The following RSRC1 variants were observed in gnomAD, a reference collection of about 807,000 sequenced individuals.
RSRC1 encodes the protein serine/Arginine-related protein 53.
RSRC1 carries 39 observed loss-of-function variants against 49.1 expected under a neutral mutation model. The observed-to-expected ratio is 0.79, with a 90% CI of 0.61 to 1.04. The LOEUF (loss-of-function observed/expected upper bound fraction) is 1.04, where lower values mean the gene tolerates loss of function less well. Among genes scored for constraint, RSRC1 ranks in the 50% least tolerant of loss-of-function variants. RSRC1 has a pLI of 0.00. For missense variants in RSRC1, 388 were observed against 402.4 expected (o/e 0.96, Z 0.31); for synonymous variants, 143 against 130.8 (o/e 1.09, Z -0.63).
chr3:158,516,383 G>C (rs550608260), intron 7 of RSRC1, among the ~76,000 whole-genome samples: 2,956 of 152,016 alleles, frequency 0.019, 33 homozygotes, highest in Non-Finnish European at 0.031. Flanking sequence ...GCCCCTGCTG[G>C]GGGGTGCCTC....
chr3:158,528,475 A>G lies in RSRC1; in HGVS notation c.653-8617A>G, dbSNP rs73154325. On this transcript the variant is annotated intron_variant, in intron 7 of 9. Coordinates refer to ENST00000611884, the MANE Select transcript of RSRC1 (RefSeq NM_001271838.2). ...AAGAAAAAAGAGCTGCGTATCTCTG[A>G]TATTAGCCACAGTGACAAATGTGGT... Among the ~76,000 whole-genome samples the G allele has an allele frequency of 2.9e-3, 440 of 151,950 alleles. 1 individual carries two copies. The highest frequency in any genetic ancestry group is 4.6e-3 in the Non-Finnish European group (309 of 67,910).
chr3:158,258,645 CTT>C (rs2108029621), intron 4 of RSRC1, among the ~76,000 whole-genome samples: 1 of 152,218 alleles, frequency 6.6e-6, no homozygotes, highest in African/African-American at 2.4e-5. Context: ...ACCTCTGTCT[CTT>C]TCTCTACCTC....
chr3:158,541,104 A>G (rs1211827479), intron 8 of RSRC1, among the ~76,000 whole-genome samples: 1 of 152,078 alleles, frequency 6.6e-6, no homozygotes, highest in Non-Finnish European at 1.5e-5. Flanking sequence ...TTTGCTCACT[A>G]TACACCAGCC....
At chr3:158,424,548 G>A (rs1316051586) in intron 6 of RSRC1, among the ~76,000 whole-genome samples, 24 of 149,470 alleles carry the variant, frequency 1.6e-4, no homozygotes, top group Admixed American at 2.0e-4. Flanking sequence ...CTCTTTTTTG[G>A]TTGTGTCTCT....
intron 4 of RSRC1, among the ~76,000 whole-genome samples, chr3:158,277,950 C>G (rs1173573345): frequency 5.3e-5 from 8 of 152,078 alleles, no homozygotes; most frequent in Non-Finnish European, 1.0e-4. Flanking sequence ...CCTGTGCCCA[C>G]CTAAGGAGCA....
intron 3 of RSRC1, among the ~76,000 whole-genome samples, chr3:158,173,177 A>G (rs1035441888): frequency 6.6e-6 from 1 of 151,980 alleles, no homozygotes; most frequent in Non-Finnish European, 1.5e-5. Context: ...TTATAATTAT[A>G]TAAATATACT....
At chr3:158,217,292 A>G (rs767705327) in intron 4 of RSRC1, among the ~76,000 whole-genome samples, 2 of 151,722 alleles carry the variant, frequency 1.3e-5, no homozygotes, top group Non-Finnish European at 2.9e-5. Flanking sequence ...TAGAAACAAC[A>G]TTAGACTGGT....
At chr3:158,345,788 TAC>T (rs1553790095) in intron 5 of RSRC1, among the ~76,000 whole-genome samples, 2 of 148,784 alleles carry the variant, frequency 1.3e-5, no homozygotes, top group East Asian at 3.9e-4. Context: ...TATATATATA[TAC>T]ACATATATAT....
At chr3:158,112,331 T>C (rs1360273987) in intron 1 of RSRC1, among the ~76,000 whole-genome samples, 1 of 152,198 alleles carries the variant, frequency 6.6e-6, no homozygotes, top group African/African-American at 2.4e-5. Context: ...ATGTCTTGAA[T>C]TGGCAAGTAT....
At chr3:158,214,116 AGAT>A (rs1459888570) in intron 4 of RSRC1, among the ~76,000 whole-genome samples, 2 of 151,940 alleles carry the variant, frequency 1.3e-5, no homozygotes, top group African/African-American at 2.4e-5. Flanking sequence ...ATTAATCTAG[AGAT>A]GATCTAAAGT....
At chr3:158,198,420 C>G (rs773499573) in intron 3 of RSRC1, among the ~76,000 whole-genome samples, 1 of 152,006 alleles carries the variant, frequency 6.6e-6, no homozygotes, top group Non-Finnish European at 1.5e-5. Flanking sequence ...AATACAGCAC[C>G]CTGATGGGTC....
chr3:158,271,961 T>G (rs1273395396), intron 4 of RSRC1, among the ~76,000 whole-genome samples: 3 of 152,162 alleles, frequency 2.0e-5, no homozygotes, highest in Non-Finnish European at 4.4e-5. Flanking sequence ...ATAATCATTT[T>G]AATAATTTTT....
intron 3 of RSRC1, among the ~76,000 whole-genome samples, chr3:158,192,726 C>T (rs1720318345): frequency 6.6e-6 from 1 of 152,020 alleles, no homozygotes; most frequent in Non-Finnish European, 1.5e-5. Flanking sequence ...TCCTTTTATC[C>T]TCCAAAGGCT....
chr3:158,286,798 A>G (rs1270634670), intron 4 of RSRC1, among the ~76,000 whole-genome samples: 1 of 152,222 alleles, frequency 6.6e-6, no homozygotes, highest in Non-Finnish European at 1.5e-5. Flanking sequence ...TGGATAATCA[A>G]TTTCTGAGTT....
intron 4 of RSRC1, among the ~76,000 whole-genome samples, chr3:158,261,794 C>G (rs1724908886): frequency 2.0e-5 from 3 of 152,228 alleles, no homozygotes; most frequent in Admixed American, 2.0e-4. Flanking sequence ...CCATCACCAC[C>G]AGATGGAACT....
At chr3:158,296,343 T>C (rs1321538745) in intron 4 of RSRC1, among the ~76,000 whole-genome samples, 2 of 151,584 alleles carry the variant, frequency 1.3e-5, no homozygotes, top group African/African-American at 2.4e-5. Context: ...CATACACACA[T>C]ACACACACAC....
rs75737309 is a variant in RSRC1, at chr3:158,111,052, A to G, written c.-3+829A>G. Among the ~76,000 whole-genome samples, 662 of 152,304 alleles carry G rather than the reference A, an allele frequency of 4.3e-3. 3 individuals carry two copies. Among genetic ancestry groups the G allele is most frequent in the Non-Finnish European group, 7.8e-3 (529 of 68,036 alleles). ...GTTCCAGCTAACTAGGTAGTAGATA[A>G]ATAAATTCAAATGTCTTATGTTGTC... On this transcript the variant is annotated intron_variant, in intron 1 of 9. Transcript: ENST00000611884.
intron 7 of RSRC1, among the ~76,000 whole-genome samples, chr3:158,514,874 G>A (rs1331505437): frequency 1.3e-5 from 2 of 151,934 alleles, no homozygotes; most frequent in East Asian, 1.9e-4. Flanking sequence ...TTATGTAATG[G>A]CCTTCTTTGT....
At chr3:158,362,321 A>G (rs965579273) in intron 6 of RSRC1, among the ~76,000 whole-genome samples, 1 of 152,188 alleles carries the variant, frequency 6.6e-6, no homozygotes, top group Non-Finnish European at 1.5e-5. Context: ...AGTGTGGGTG[A>G]CAGAGTAAGA....
Sources: gnomAD v4.1 joint callset for allele counts (sites outside exome capture counted in the v4.1 genomes callset) on GRCh38, gnomAD v4.1.1 for gene constraint, MANE v1.5 for transcripts, NCBI Gene and HGNC (gene_info 2026-07-23, HGNC 2026-07-21) for gene names.